Variants in PALD1 observed in about 807,000 individuals in gnomAD.
PALD1 encodes the protein phosphatase domain containing paladin 1.
PALD1 carries 57 observed loss-of-function variants against 96.0 expected under a neutral mutation model. That is an observed-to-expected ratio of 0.59 (90% CI 0.48 to 0.74). The LOEUF (loss-of-function observed/expected upper bound fraction) is 0.74, where lower values mean the gene tolerates loss of function less well. Ranked by LOEUF, PALD1 falls within the 30% of genes least tolerant of loss-of-function variation. The probability of loss-of-function intolerance (pLI) is 0.00; values close to 1 mark genes in which losing one functional copy is unlikely to be tolerated. For missense variants in PALD1, 1,063 were observed against 1,143.7 expected (o/e 0.93, Z 1.02); for synonymous variants, 464 against 473.6 (o/e 0.98, Z 0.26).
intron 3 of PALD1, among the ~76,000 whole-genome samples, 166 bp from the exon 4 acceptor site, chr10:70,529,723 A>G (rs1450214564): frequency 2.0e-5 from 3 of 151,792 alleles, no homozygotes; most frequent in Admixed American, 1.3e-4. Context: ...AGAGTTATAT[A>G]TTTTGTCTGT....
intron 1 of PALD1, among the ~76,000 whole-genome samples, chr10:70,495,410 G>T (rs906446488): frequency 7.2e-5 from 11 of 152,162 alleles, no homozygotes; most frequent in African/African-American, 2.7e-4. Flanking sequence ...TGGTTGACAG[G>T]GTCAGTACTT....
intron 1 of PALD1, among the ~76,000 whole-genome samples, chr10:70,515,289 G>A (rs1323001024): frequency 6.6e-6 from 1 of 152,224 alleles, no homozygotes; most frequent in Non-Finnish European, 1.5e-5. Flanking sequence ...TTGTGCGAGG[G>A]CCCAGAACAG....
intron 12 of PALD1, 76 bp downstream of exon 12, chr10:70,538,484 G>C: frequency 6.8e-7 from 1 of 1,474,134 alleles, no homozygotes; most frequent in Non-Finnish European, 9.2e-7. Flanking sequence ...GATTCCTGTA[G>C]GGTTGGGGTA....
intron 1 of PALD1, among the ~76,000 whole-genome samples, chr10:70,518,887 G>A (rs2132334976): frequency 6.6e-6 from 1 of 152,300 alleles, no homozygotes; most frequent in South Asian, 2.1e-4. Context: ...TGACTGACTA[G>A]CATAATTCCA....
At chr10:70,504,687 CT>C (rs1182991246) in intron 1 of PALD1, among the ~76,000 whole-genome samples, 2 of 152,146 alleles carry the variant, frequency 1.3e-5, no homozygotes, top group African/African-American at 2.4e-5. Context: ...TTGCAAGCCT[CT>C]TTCGTGTCTG....
rs117803924 is a variant in PALD1 at position 70,541,129 on chromosome 10, C to A, written c.1936C>A (p.Arg646=). 6.2e-7 allele frequency: 1 copy of A among 1,609,988 alleles called. No individual in the cohort carries two copies. Among genetic ancestry groups the A allele is most frequent in the Non-Finnish European group, 8.5e-7 (1 of 1,178,674 alleles). ...EDFDQLLEAL[R]AALSKDPGTG... is the part of the protein sequence containing the mutation. ...CTTTGACCAGCTGCTGGAGGCCCTGCGGGCCGCCCTCTCCAAGGACCCAGG... is the reference window on the plus strand; with the variant it reads ...CTTTGACCAGCTGCTGGAGGCCCTGAGGGCCGCCCTCTCCAAGGACCCAGG... The change falls in exon 16 of 20, where the codon CGG becomes AGG. Residue 646 remains arginine (R), a synonymous_variant. Transcript: ENST00000263563.
intron 1 of PALD1, among the ~76,000 whole-genome samples, chr10:70,521,452 T>C (rs1846734670): frequency 6.6e-6 from 1 of 152,138 alleles, no homozygotes; most frequent in Admixed American, 6.6e-5. Context: ...GGCTTTGGAA[T>C]ATTAATAACA....
chr10:70,471,020 A>G, the PALD1 span, among the ~76,000 whole-genome samples: 16 of 149,816 alleles, frequency 1.1e-4, no homozygotes, highest in Non-Finnish European at 2.2e-4. Flanking sequence ...GGGTTTCACC[A>G]TGTTGGCCAG....
chr10:70,536,163 G>A (rs1258743368), intron 10 of PALD1, among the ~76,000 whole-genome samples: 1 of 152,086 alleles, frequency 6.6e-6, no homozygotes, highest in Non-Finnish European at 1.5e-5. Flanking sequence ...CTACCAGGGA[G>A]CTGGTGTGTG....
intron 5 of PALD1, 103 bp downstream of exon 5, chr10:70,531,557 C>T: frequency 9.0e-7 from 1 of 1,115,058 alleles, no homozygotes; most frequent in Non-Finnish European, 1.3e-6. Context: ...CGTGTTCCCC[C>T]ACTGTTGTGC....
chr10:70,476,828 A>C (rs1167763376), upstream of PALD1, among the ~76,000 whole-genome samples: 8 of 152,056 alleles, frequency 5.3e-5, no homozygotes, highest in East Asian at 1.5e-3. Flanking sequence ...GGAGCTAGAG[A>C]GGCACACCGC....
chr10:70,521,687 A>T (rs10999369), intron 1 of PALD1, among the ~76,000 whole-genome samples: 43,872 of 116,362 alleles, frequency 0.38, 7,311 homozygotes, highest in East Asian at 0.59. Context: ...GCCCGCCACC[A>T]TGCCCGGCTA....
the PALD1 span, among the ~76,000 whole-genome samples, chr10:70,472,485 T>C: frequency 6.6e-6 from 1 of 152,114 alleles, no homozygotes; most frequent in Non-Finnish European, 1.5e-5. Flanking sequence ...GGTCTCAAAC[T>C]CCTGACCTCA....
At chr10:70,553,179 T>C (rs978798034) in intron 18 of PALD1, among the ~76,000 whole-genome samples, 1 of 152,172 alleles carries the variant, frequency 6.6e-6, no homozygotes, top group African/African-American at 2.4e-5. Context: ...TCTCATTCCA[T>C]CTACATTAAT....
At chr10:70,468,490 C>T in the PALD1 span, among the ~76,000 whole-genome samples, 21 of 152,072 alleles carry the variant, frequency 1.4e-4, no homozygotes, top group African/African-American at 3.6e-4. Flanking sequence ...GTGATCCACC[C>T]GGCTCGGCCT....
At chr10:70,468,958 G>A in the PALD1 span, among the ~76,000 whole-genome samples, 3 of 152,236 alleles carry the variant, frequency 2.0e-5, no homozygotes, top group African/African-American at 7.2e-5. Context: ...TGGCTTTAAA[G>A]CTTGCCTTTA....
the PALD1 span, among the ~76,000 whole-genome samples, chr10:70,463,031 C>G: frequency 6.6e-6 from 1 of 152,186 alleles, no homozygotes; most frequent in East Asian, 1.9e-4. Context: ...TTTCCTCTAC[C>G]CCGTGGTGAA....
intron 18 of PALD1, 54 bp from the exon 19 acceptor site, chr10:70,564,310 G>A: frequency 6.4e-7 from 1 of 1,551,380 alleles, no homozygotes; most frequent in Non-Finnish European, 8.7e-7. Flanking sequence ...GCATGTTTGT[G>A]TGTTGGGGGA....
At chr10:70,510,554 A>G (rs542020945) in intron 1 of PALD1, among the ~76,000 whole-genome samples, 1 of 152,278 alleles carries the variant, frequency 6.6e-6, no homozygotes, top group South Asian at 2.1e-4. Context: ...TTTCAGAAGA[A>G]GGCATTGCCT....
Sources: gnomAD v4.1 joint callset for allele counts (sites outside exome capture counted in the v4.1 genomes callset) on GRCh38, gnomAD v4.1.1 for gene constraint, MANE v1.5 for transcripts, NCBI Gene and HGNC (gene_info 2026-07-23, HGNC 2026-07-21) for gene names.